The following GFM2 variants were observed in gnomAD, a reference collection of about 807,000 sequenced individuals.
The protein encoded by GFM2 is GTP dependent ribosome recycling factor mitochondrial 2, also known as ribosome-releasing factor 2, mitochondrial.
In GFM2, 72 loss-of-function variants were observed where a neutral mutation model predicts 95.4. The observed-to-expected ratio is 0.76, with a 90% CI of 0.62 to 0.92. The LOEUF (loss-of-function observed/expected upper bound fraction) is 0.92. Among genes scored for constraint, GFM2 ranks in the 40% least tolerant of loss-of-function variants. The pLI, the probability that GFM2 is intolerant of heterozygous loss-of-function variation, is 0.00. For synonymous variants in GFM2, 276 were observed against 317.5 expected (o/e 0.87, Z 1.39); for missense variants, 825 against 924.1 (o/e 0.89, Z 1.39).
At chr5:74,722,714 T>TATAATAAGCATGATAA in intron 19 of GFM2, 153 bp from the exon 20 acceptor site, 1 of 588,972 alleles carries the variant, frequency 1.7e-6, no homozygotes, top group East Asian at 2.9e-5. Context: ...TATTTGCTTG[T>TATAATAAGCATGATAA]ATAATAAGCA....
chr5:74,723,160 C>T lies in GFM2; in HGVS notation c.2029-599G>A, dbSNP rs182942658. Among the ~76,000 whole-genome samples, 10 of 152,296 alleles carry T rather than the reference C, an allele frequency of 6.6e-5. No homozygotes were observed. In the East Asian group the frequency reaches 1.9e-3, roughly 29 times the overall value. ...GCATATCTAACTAGGGCATACCATG[C>T]TCACAGAACTGTTCTTAGTCCTCTT... is the stretch of plus-strand genomic sequence containing the variant. On this transcript the variant is annotated intron_variant, in intron 19 of 20. Transcript: ENST00000296805.
chr5:74,764,153 A>C (rs759370627), intron 1 of GFM2, among the ~76,000 whole-genome samples: 46 of 152,370 alleles, frequency 3.0e-4, no homozygotes, highest in Middle Eastern at 3.4e-3. Context: ...AATTGGCAGT[A>C]AAATTTATTG....
chr5:74,725,610 A>C, intron 19 of GFM2, 30 bp downstream of exon 19: 1 of 1,451,530 alleles, frequency 6.9e-7, no homozygotes, highest in Non-Finnish European at 9.7e-7. Context: ...GAGTCACCTT[A>C]AAGCCATAAG....
At chr5:74,742,065 C>T (rs986452743) in intron 10 of GFM2, among the ~76,000 whole-genome samples, 5 of 152,094 alleles carry the variant, frequency 3.3e-5, no homozygotes, top group Non-Finnish European at 5.9e-5. Context: ...GCTGTAATCC[C>T]GCACTGAAGA....
intron 17 of GFM2, among the ~76,000 whole-genome samples, chr5:74,726,389 T>C (rs1270060076): frequency 6.6e-6 from 1 of 152,206 alleles, no homozygotes; most frequent in Admixed American, 6.5e-5. Flanking sequence ...AGGCACATGT[T>C]ACGAAGATTA....
Position 74,758,922 on chromosome 5 carries a change from A to T in GFM2, c.231T>A (p.Ala77=). ...IAKIRNIGIM[A]HIDAGKTTTT... Reference sequence around the variant, plus strand: ...TGGTAGTTTTGCCTGCATCAATATGAGCCATAATTCCAATATTACGGATTC... The same window carrying T: ...TGGTAGTTTTGCCTGCATCAATATGTGCCATAATTCCAATATTACGGATTC... The change falls in exon 5 of 21, where the codon GCT becomes GCA. Residue 77 remains alanine, a synonymous_variant. Transcript: ENST00000296805. The T allele has an allele frequency of 6.2e-7, 1 of 1,607,616 alleles. No homozygotes were observed. Among genetic ancestry groups the T allele is most frequent in the Non-Finnish European group, 8.5e-7 (1 of 1,174,168 alleles).
Position 74,739,369 on chromosome 5 carries a change from G to A in GFM2, c.1079+620C>T, listed in dbSNP as rs143986655. Among the ~76,000 whole-genome samples, 19 of 152,138 alleles carry A rather than the reference G, an allele frequency of 1.2e-4. No individual in the cohort carries two copies. The East Asian group carries it at 3.7e-3, about 29-fold the overall frequency. ...TTCTTATAAGAACACCATGAGATAG[G>A]TCCTATTCTTTGCATTTTATAGATG... is the stretch of plus-strand genomic sequence containing the variant. On this transcript the variant is annotated intron_variant, in intron 12 of 20. Coordinates refer to ENST00000296805, the MANE Select transcript of GFM2 (RefSeq NM_032380.5).
At chr5:74,722,021 C>T (rs563793047) in intron 20 of GFM2, among the ~76,000 whole-genome samples, 5 of 152,138 alleles carry the variant, frequency 3.3e-5, no homozygotes, top group Non-Finnish European at 7.3e-5. Flanking sequence ...GATGGCTTTG[C>T]CGGCAACCCA....
intron 11 of GFM2, 138 bp downstream of exon 11, chr5:74,741,391 G>A (rs902262323): frequency 3.2e-5 from 19 of 590,366 alleles, no homozygotes; most frequent in African/African-American, 2.5e-4. Flanking sequence ...TTAACTTAAT[G>A]TTCTCCTAAC....
intron 20 of GFM2, 23 bp downstream of exon 20, chr5:74,722,356 C>A: frequency 6.3e-7 from 1 of 1,593,122 alleles, no homozygotes; most frequent in Non-Finnish European, 8.6e-7. Flanking sequence ...AGAATATGTA[C>A]TTTTCAGTTA....
At chr5:74,729,022 G>C (rs1333063724) in intron 17 of GFM2, among the ~76,000 whole-genome samples, 1 of 152,068 alleles carries the variant, frequency 6.6e-6, no homozygotes, top group African/African-American at 2.4e-5. Context: ...AAAGTGCTGG[G>C]ATTACAGGCG....
At chr5:74,730,096 G>C (rs1040643119) in intron 17 of GFM2, among the ~76,000 whole-genome samples, 164 bp downstream of exon 17, 5 of 151,934 alleles carry the variant, frequency 3.3e-5, no homozygotes, top group African/African-American at 1.2e-4. Context: ...AGGGCTTTCT[G>C]TATTCAAAAC....
chr5:74,738,396 A>C lies in GFM2; in HGVS notation c.1242T>G (p.Leu414=). 1.2e-6 allele frequency: 2 copies of C among 1,613,632 alleles called. No homozygotes were observed. Among genetic ancestry groups the C allele is most frequent in the Non-Finnish European group, 1.7e-6 (2 of 1,179,662 alleles). Residue 414 remains leucine (L), a synonymous_variant, in exon 14 of 21, where the codon CTT becomes CTG. Coordinates refer to ENST00000296805, the MANE Select transcript of GFM2 (RefSeq NM_032380.5). ...CTACATGTTGGTCAGCAAACGGCAA[A>C]AGCAGACGACTTATTCTCTCCCTGT... The part of the protein sequence containing the change: ...GNCTERISRL[L]LPFADQHVEI...
At position 74,721,302 on chromosome 5, in the gene GFM2, A is replaced by AAATGTAATAAGATAGAGGG; in HGVS notation, c.*352_*353insCCCTCTATCTTATTACATT. 1.2e-6 allele frequency: 1 copy of AAATGTAATAAGATAGAGGG among 848,516 alleles called. No homozygotes were observed. The highest frequency in any genetic ancestry group is 2.0e-6 in the Non-Finnish European group (1 of 505,000). 52.6% of individuals were successfully genotyped at this position (848,516 alleles called of 1,614,324 possible). A position where few individuals can be genotyped will look rare whatever the true frequency, so the allele number is the denominator to read the frequency against. On this transcript the variant is annotated 3_prime_UTR_variant, in exon 21 of 21. Transcript: ENST00000296805. ...TTATTGATTGAACCTTTGACCCTCT[A>AAATGTAATAAGATAGAGGG]TCTTATTACATTTAGAGGCCTGGCA... is the stretch of plus-strand genomic sequence containing the variant.
intron 15 of GFM2, chr5:74,733,325 T>G (rs563521610): frequency 1.0e-5 from 3 of 301,360 alleles, no homozygotes; most frequent in Non-Finnish European, 1.8e-5. Flanking sequence ...ACCCCGTCTT[T>G]ACAAAAAAAG....
At chr5:74,752,313 C>G (rs1458567607) in intron 5 of GFM2, among the ~76,000 whole-genome samples, 1 of 152,124 alleles carries the variant, frequency 6.6e-6, no homozygotes, top group African/African-American at 2.4e-5. Flanking sequence ...TTGGTCTTTA[C>G]CATTATCATG....
At chr5:74,761,033 A>G (rs1376231817) in intron 2 of GFM2, 47 bp from the exon 3 acceptor site, 1 of 1,048,442 alleles carries the variant, frequency 9.5e-7, no homozygotes, top group African/African-American at 1.6e-5. Context: ...TTTTAGCATC[A>G]CTTATTACAG....
At position 74,736,820 on chromosome 5, in the gene GFM2, G is replaced by T; in HGVS notation, c.1486C>A (p.Pro496Thr). The change falls in exon 15 of 21, where the codon CCC (proline) becomes ACC (threonine). Residue 496 changes from proline (P) to threonine (T), a missense_variant. By Grantham distance (38) the Pro-to-Thr change is conservative (BLOSUM62 -1). Coordinates refer to ENST00000296805, the MANE Select transcript of GFM2 (RefSeq NM_032380.5). ...PEPVFFCTIE[P>T]PSLSKQPDLE... ...CCTGGCTGCTTAGACAGTGATGGGG[G>T]TTCTATGGTACAGAAGAAAACAGGT... The T allele has an allele frequency of 6.2e-7, 1 of 1,613,876 alleles. No homozygotes were observed. The highest frequency in any genetic ancestry group is 8.5e-7 in the Non-Finnish European group (1 of 1,179,822).
chr5:74,733,036 G>C lies in GFM2; in HGVS notation c.1573C>G (p.Pro525Ala). 6.2e-7 allele frequency: 1 copy of C among 1,608,080 alleles called. No homozygotes were observed. Among genetic ancestry groups the C allele is most frequent in the East Asian group, 2.2e-5 (1 of 44,638 alleles). ...AATATACCTACTTGTCCAGAGTCAG[G>C]ATCTAGCCTCACTTTCAAACTGGGA... ...EDPSLKVRLD[P>A]DSGQTVLCGM... Residue 525 changes from proline (P) to alanine (A), a missense_variant, in exon 16 of 21, where the codon CCT (proline) becomes GCT (alanine). Transcript: ENST00000296805.
Sources: allele counts gnomAD v4.1 joint callset (sites outside exome capture counted in the v4.1 genomes callset), GRCh38; gene constraint gnomAD v4.1.1; transcripts MANE v1.5; gene names NCBI Gene and HGNC (gene_info 2026-07-23, HGNC 2026-07-21).